DOCK1: variants seen among roughly 807,000 people sequenced by gnomAD.
DOCK1 encodes dedicator of cytokinesis protein 1.
A neutral mutation model predicts 262.7 loss-of-function variants in DOCK1; 138 were observed. That is an observed-to-expected ratio of 0.53 (90% CI 0.46 to 0.61). The LOEUF (loss-of-function observed/expected upper bound fraction) is 0.61, where lower values mean the gene tolerates loss of function less well. DOCK1 is among the 20% of genes least tolerant of loss of function. DOCK1 has a pLI of 0.00. For missense variants in DOCK1, 1,908 were observed against 2,370.7 expected (o/e 0.80, Z 4.05); for synonymous variants, 866 against 867.4 (o/e 1.00, Z 0.03).
At chr10:127,344,487 T>C (rs1162980741) in intron 31 of DOCK1, 5 of 152,228 alleles carry the variant, frequency 3.3e-5, no homozygotes, top group Admixed American at 2.0e-4. Context: ...GAAATTGCAT[T>C]GGTGTTGCCA....
intron 2 of DOCK1, among the ~76,000 whole-genome samples, chr10:126,977,132 T>C (rs1294900997): frequency 6.6e-6 from 1 of 152,080 alleles, no homozygotes; most frequent in African/African-American, 2.4e-5. Context: ...TCACAAATGG[T>C]GGGGTGCTTG....
chr10:127,435,308 C>A (rs72843727), intron 48 of DOCK1, among the ~76,000 whole-genome samples: 9,856 of 152,172 alleles, frequency 0.065, 402 homozygotes, highest in Non-Finnish European at 0.097. Flanking sequence ...CCTATCAAAC[C>A]CACAGGCATC....
At chr10:126,910,243 A>T in intron 1 of DOCK1, among the ~76,000 whole-genome samples, 1 of 152,248 alleles carries the variant, frequency 6.6e-6, no homozygotes. Flanking sequence ...AAACATAAGA[A>T]ATTTAAATTT....
intron 1 of DOCK1, among the ~76,000 whole-genome samples, chr10:126,927,205 G>A (rs1250620450): frequency 6.6e-6 from 1 of 152,180 alleles, no homozygotes. Context: ...CCAGGTGTGT[G>A]ACCATGATAG....
chr10:127,146,068 G>C (rs372715763), intron 27 of DOCK1: 9 of 516,374 alleles, frequency 1.7e-5, no homozygotes, highest in African/African-American at 1.7e-4. Flanking sequence ...CCAGGACTGC[G>C]TCCCGTATTT....
intron 29 of DOCK1, among the ~76,000 whole-genome samples, chr10:127,302,357 A>G (rs1052041786): frequency 1.3e-5 from 2 of 152,244 alleles, no homozygotes; most frequent in East Asian, 1.9e-4. Flanking sequence ...AGGTGGGACT[A>G]GACTACAGGA....
intron 1 of DOCK1, among the ~76,000 whole-genome samples, chr10:126,949,090 G>T (rs1203573176): frequency 1.3e-5 from 2 of 152,120 alleles, no homozygotes; most frequent in Non-Finnish European, 2.9e-5. Context: ...TGCACGTTCT[G>T]CTGGGGGGAG....
At chr10:127,255,839 C>T (rs1467453381) in intron 28 of DOCK1, among the ~76,000 whole-genome samples, 14 of 152,172 alleles carry the variant, frequency 9.2e-5, no homozygotes, top group Admixed American at 5.9e-4. Context: ...GACTGAATTA[C>T]GGTACTCAGC....
At chr10:127,392,485 G>A (rs965725443) in intron 38 of DOCK1, among the ~76,000 whole-genome samples, 1 of 152,072 alleles carries the variant, frequency 6.6e-6, no homozygotes, top group African/African-American at 2.4e-5. Flanking sequence ...CAGCAACATG[G>A]AACAGTGAGT....
chr10:126,937,160 C>T (rs1019035952), intron 1 of DOCK1, among the ~76,000 whole-genome samples: 2 of 152,144 alleles, frequency 1.3e-5, no homozygotes, highest in Non-Finnish European at 2.9e-5. Flanking sequence ...TAGCATATGT[C>T]GTAATTTCCT....
At chr10:127,198,434 G>A (rs1280092156) in intron 27 of DOCK1, among the ~76,000 whole-genome samples, 1 of 152,240 alleles carries the variant, frequency 6.6e-6, no homozygotes, top group Non-Finnish European at 1.5e-5. Context: ...TCAGAAGGCT[G>A]AAGTTTTCCG....
At chr10:126,906,623 C>A (rs1344573126) in intron 1 of DOCK1, among the ~76,000 whole-genome samples, 1 of 152,218 alleles carries the variant, frequency 6.6e-6, no homozygotes, top group Admixed American at 6.5e-5. Context: ...GCTGTGTCCT[C>A]CAAGGGCACC....
intron 38 of DOCK1, among the ~76,000 whole-genome samples, chr10:127,398,149 G>A (rs1457598742): frequency 6.6e-6 from 1 of 152,194 alleles, no homozygotes; most frequent in African/African-American, 2.4e-5. Flanking sequence ...CTTTGCTGGT[G>A]CAGGGAATCA....
In DOCK1 at chr10:127,419,755, G is replaced by C; in HGVS notation, c.4776+6G>C. The C allele has an allele frequency of 6.3e-7, 1 of 1,586,212 alleles. No homozygotes were observed. On this transcript the variant is annotated splice_donor_region_variant and intron_variant, in intron 46 of 51. Transcript: ENST00000623213. ...AGGACCTGATTGCTTGGCAGGTAAA[G>C]TGTCCAGCAAGAGTCCTGCATGGCT...
chr10:127,190,426 A>G (rs186529156), intron 27 of DOCK1, among the ~76,000 whole-genome samples: 20 of 152,238 alleles, frequency 1.3e-4, no homozygotes, highest in Non-Finnish European at 2.8e-4. Flanking sequence ...GTTGGTAGCA[A>G]AATCACTGGC....
intron 27 of DOCK1, among the ~76,000 whole-genome samples, chr10:127,224,270 T>C (rs540429221): frequency 6.6e-6 from 1 of 152,262 alleles, no homozygotes; most frequent in East Asian, 1.9e-4. Flanking sequence ...TTTAGAAATA[T>C]TAATGTTTGG....
intron 29 of DOCK1, among the ~76,000 whole-genome samples, chr10:127,297,498 G>A (rs765631797): frequency 3.7e-4 from 55 of 149,634 alleles, no homozygotes; most frequent in Non-Finnish European, 5.0e-4. Flanking sequence ...AGTGAGCACA[G>A]AAGGAGGAGA....
chr10:127,199,330 G>T (rs907315633), intron 27 of DOCK1, among the ~76,000 whole-genome samples: 4 of 152,154 alleles, frequency 2.6e-5, no homozygotes, highest in Admixed American at 2.0e-4. Context: ...CACCCCTATG[G>T]TATAGTGAGT....
intron 28 of DOCK1, among the ~76,000 whole-genome samples, chr10:127,253,086 G>A (rs1486158101): frequency 6.6e-6 from 1 of 152,258 alleles, no homozygotes; most frequent in Admixed American, 6.5e-5. Context: ...TGAGGACAGA[G>A]ACCATCCCAA....
Sources: gnomAD v4.1 joint callset for allele counts (sites outside exome capture counted in the v4.1 genomes callset) on GRCh38, gnomAD v4.1.1 for gene constraint, MANE v1.5 for transcripts, NCBI Gene and HGNC (gene_info 2026-07-23, HGNC 2026-07-21) for gene names.